The following BRF1 variants were observed in gnomAD, a reference collection of about 807,000 sequenced individuals.
BRF1 encodes transcription factor IIIB 90 kDa subunit.
Under a neutral mutation model 81.7 loss-of-function variants are expected in BRF1, and 59 were observed. The ratio of observed to expected loss-of-function variants is 0.72; its 90% CI spans 0.59 to 0.90. BRF1 has a LOEUF of 0.90. BRF1 is among the 40% of genes least tolerant of loss of function. BRF1 has a pLI of 0.00. For missense variants in BRF1, 1,050 were observed against 936.3 expected (o/e 1.12, Z -1.58); for synonymous variants, 491 against 395.6 (o/e 1.24, Z -2.86).
chr14:105,215,374 G>A (rs903316748), intron 15 of BRF1, among the ~76,000 whole-genome samples: 4 of 150,178 alleles, frequency 2.7e-5, no homozygotes, highest in Non-Finnish European at 5.9e-5. Context: ...ACACATAGGC[G>A]TGCACACCTG....
intron 3 of BRF1, among the ~76,000 whole-genome samples, chr14:105,267,833 C>T (rs1382824691): frequency 6.6e-6 from 1 of 152,214 alleles, no homozygotes; most frequent in Non-Finnish European, 1.5e-5. Flanking sequence ...CCATCCCAGA[C>T]CCCAGAATGG....
At chr14:105,249,690 C>G (rs1181325303) in intron 5 of BRF1, 1 of 1,613,618 alleles carries the variant, frequency 6.2e-7, no homozygotes, top group African/African-American at 1.3e-5. Context: ...GTGCTGGCCA[C>G]TCTGTACGCT....
chr14:105,249,150 T>C (rs759318471), intron 5 of BRF1: 17 of 1,568,406 alleles, frequency 1.1e-5, no homozygotes, highest in Non-Finnish European at 3.4e-6. Context: ...TGCCTCTACC[T>C]TTGCAGGAAC....
chr14:105,281,796 A>C (rs1000497592), intron 2 of BRF1, among the ~76,000 whole-genome samples: 1 of 151,958 alleles, frequency 6.6e-6, no homozygotes, highest in South Asian at 2.1e-4. Context: ...TATGAAGCAG[A>C]AAACCAAGTG....
chr14:105,219,440 C>G, intron 12 of BRF1: 1 of 1,114,716 alleles, frequency 9.0e-7, no homozygotes, highest in South Asian at 1.6e-5. Context: ...AGGCCAACCA[C>G]GCAGGCCACA....
chr14:105,252,360 T>C, intron 5 of BRF1, 147 bp downstream of exon 5: 2 of 1,417,044 alleles, frequency 1.4e-6, no homozygotes, highest in Non-Finnish European at 1.8e-6. Flanking sequence ...CCCACATTAC[T>C]GAGCTCCTAG....
chr14:105,222,118 G>C, intron 10 of BRF1: 1 of 559,360 alleles, frequency 1.8e-6, no homozygotes, highest in Non-Finnish European at 3.0e-6. Flanking sequence ...CACAGACCTA[G>C]GGGGAGAGTT....
chr14:105,266,558 G>A (rs1007273195), intron 3 of BRF1, among the ~76,000 whole-genome samples: 1 of 152,096 alleles, frequency 6.6e-6, no homozygotes, highest in Admixed American at 6.6e-5. Flanking sequence ...TGGAAAATTA[G>A]AAAGCAAGGT....
At chr14:105,272,441 G>T (rs1435967707) in intron 3 of BRF1, among the ~76,000 whole-genome samples, 1 of 152,236 alleles carries the variant, frequency 6.6e-6, no homozygotes, top group Non-Finnish European at 1.5e-5. Context: ...CAAGTGGGGA[G>T]AATCCAGGGC....
intron 15 of BRF1, 161 bp from the exon 16 acceptor site, chr14:105,212,325 C>T (rs1268985151): frequency 3.6e-6 from 3 of 844,390 alleles, no homozygotes; most frequent in Non-Finnish European, 5.5e-6. Context: ...TCCATCAGTG[C>T]TCACTGCACA....
intron 5 of BRF1, among the ~76,000 whole-genome samples, chr14:105,251,738 C>G (rs2055625783): frequency 6.6e-6 from 1 of 151,962 alleles, no homozygotes; most frequent in East Asian, 1.9e-4. Context: ...AAAGGGGCCT[C>G]TAAGCGGGCC....
intron 1 of BRF1, 95 bp downstream of exon 1, chr14:105,300,351 G>A: frequency 1.5e-6 from 2 of 1,301,178 alleles, no homozygotes; most frequent in Non-Finnish European, 2.0e-6. Flanking sequence ...CAGAGCGTGC[G>A]GTACCGAGGC....
Position 105,253,222 on chromosome 14 carries a change from T to C in BRF1, c.472-643A>G, listed in dbSNP as rs1595394749. On this transcript the variant is annotated intron_variant, in intron 4 of 17. Transcript: ENST00000547530. ...GACTCTAGCCTGTGTGCAGACCCTGTGCACAGCCCTGCCGTGGGCCGAGTA... is the reference window on the plus strand; with the variant it reads ...GACTCTAGCCTGTGTGCAGACCCTGCGCACAGCCCTGCCGTGGGCCGAGTA... 2.6e-5 allele frequency among the ~76,000 whole-genome samples: 4 copies of C among 152,300 alleles called. 1 individual carries two copies. The highest frequency in any genetic ancestry group is 9.6e-5 in the African/African-American group (4 of 41,562).
chr14:105,277,714 A>C (rs978546166), intron 2 of BRF1, among the ~76,000 whole-genome samples: 1 of 152,214 alleles, frequency 6.6e-6, no homozygotes, highest in Non-Finnish European at 1.5e-5. Flanking sequence ...AAAAGGACTA[A>C]AATGGGGGCT....
upstream of BRF1, among the ~76,000 whole-genome samples, chr14:105,302,383 A>C: frequency 6.6e-6 from 1 of 151,042 alleles, no homozygotes; most frequent in Non-Finnish European, 1.5e-5. Flanking sequence ...TTGTATTTTT[A>C]GTAGAGACGG....
At chr14:105,315,550 G>T (rs587746155), upstream of BRF1, 22 of 152,410 alleles carry the variant, frequency 1.4e-4, no homozygotes, top group East Asian at 4.2e-3. The surrounding 1 kb of genome is among the most constrained non-coding windows in gnomAD (Gnocchi z 4.4). Flanking sequence ...CGTCCTCGCG[G>T]GTACCTGGTT....
chr14:105,212,268 T>C lies in BRF1; in HGVS notation c.1773-104A>G, dbSNP rs955662189. 3 of 1,446,216 alleles carry C rather than the reference T, an allele frequency of 2.1e-6. No individual in the cohort carries two copies. In the African/African-American group the frequency reaches 4.2e-5, roughly 20 times the overall value. The allele number at this position is 1,446,216 out of a possible 1,614,324, so 89.6% of individuals were successfully genotyped here. ...CCCTTTCCCAGTGTTAATTGACTGTTTCTCTGTCCCTTTGGAAGCCTGGTT... is the reference window on the plus strand; with the variant it reads ...CCCTTTCCCAGTGTTAATTGACTGTCTCTCTGTCCCTTTGGAAGCCTGGTT... On this transcript the variant is annotated intron_variant, in intron 15 of 17. Transcript: ENST00000547530.
At chr14:105,224,359 C>A (rs1276669657) in intron 10 of BRF1, among the ~76,000 whole-genome samples, 1 of 152,072 alleles carries the variant, frequency 6.6e-6, no homozygotes, top group African/African-American at 2.4e-5. Flanking sequence ...ACAGAGTGAG[C>A]CTGTCTCCAA....
intron 11 of BRF1, among the ~76,000 whole-genome samples, chr14:105,220,369 C>A (rs1892084779): frequency 6.6e-6 from 1 of 152,288 alleles, no homozygotes; most frequent in South Asian, 2.1e-4. Flanking sequence ...AAAGGAAAAC[C>A]CCAGCACTTC....
Sources: gnomAD v4.1 joint callset for allele counts (sites outside exome capture counted in the v4.1 genomes callset) on GRCh38, gnomAD v4.1.1 for gene constraint, Gnocchi (gnomAD v3.1) non-coding constraint, MANE v1.5 for transcripts, NCBI Gene and HGNC (gene_info 2026-07-23, HGNC 2026-07-21) for gene names.